Variants in PCDH17 observed in about 807,000 individuals in gnomAD.
The protein encoded by PCDH17 is protocadherin 17.
PCDH17 carries 21 observed loss-of-function variants against 67.7 expected under a neutral mutation model. That is an observed-to-expected ratio of 0.31 (90% CI 0.22 to 0.45). The LOEUF is 0.45. PCDH17 is among the 20% of genes least tolerant of loss of function. PCDH17 has a pLI of 1.00. For missense variants in PCDH17, 1,471 were observed against 1,564.8 expected (o/e 0.94, Z 1.01); for synonymous variants, 701 against 656.7 (o/e 1.07, Z -1.03).
chr13:57,713,219 C>T (rs746001285), intron 3 of PCDH17, among the ~76,000 whole-genome samples: 4 of 151,638 alleles, frequency 2.6e-5, no homozygotes, highest in African/African-American at 4.8e-5. Flanking sequence ...AAAGCTGTTA[C>T]TAGAAAAACG....
intron 3 of PCDH17, among the ~76,000 whole-genome samples, chr13:57,695,340 A>G (rs9597589): frequency 0.055 from 8,340 of 151,154 alleles, 309 homozygotes; most frequent in Non-Finnish European, 0.086. Context: ...TTTAGCATAA[A>G]CCCTTGGTTT....
chr13:57,644,471 G>A (rs1048130029), intron 1 of PCDH17, among the ~76,000 whole-genome samples: 4 of 151,126 alleles, frequency 2.6e-5, no homozygotes, highest in Non-Finnish European at 5.9e-5. Flanking sequence ...GTTAGAATGC[G>A]TGCCCAGTTC....
At chr13:57,701,983 T>A (rs1955667992) in intron 3 of PCDH17, among the ~76,000 whole-genome samples, 1 of 152,068 alleles carries the variant, frequency 6.6e-6, no homozygotes. Context: ...AGTGGCATGA[T>A]CTCGGCTCAC....
Position 57,725,448 on chromosome 13 carries a change from C to T in PCDH17, c.*154C>T. On this transcript the variant is annotated 3_prime_UTR_variant, in exon 4 of 4. Coordinates refer to ENST00000377918, the MANE Select transcript of PCDH17 (RefSeq NM_001040429.3). ...CATCTGAAGTGCCCACAAGTATGTT[C>T]TTTCCACTGCTGATTTCTTTTTCAG... is the stretch of plus-strand genomic sequence containing the variant. 1.7e-6 allele frequency: 1 copy of T among 604,564 alleles called. No individual in the cohort carries two copies. 37.4% of individuals were successfully genotyped at this position (604,564 alleles called of 1,614,324 possible). A position where few individuals can be genotyped will look rare whatever the true frequency, so the allele number is the denominator to read the frequency against.
In PCDH17 at chr13:57,634,083, C is replaced by T; in HGVS notation, c.1537C>T (p.Pro513Ser). Reference sequence around the variant, plus strand: ...CGGCACCGTATCCTACTCTATCCTGCCCTCGCACATCGGCGACGTGTCTAT... The same window carrying T: ...CGGCACCGTATCCTACTCTATCCTGTCCTCGCACATCGGCGACGTGTCTAT... ...QNGTVSYSIL[P>S]SHIGDVSIYT... Residue 513 changes from proline (P) to serine (S), a missense_variant, in exon 1 of 4, where the codon CCC becomes TCC. Physicochemically the swap from Pro to Ser is moderately conservative, Grantham distance 74 (BLOSUM62 -1). Around this residue, in one of 3 missense-constraint regions of PCDH17, gnomAD observed 1,163 missense variants for 1,230.0 expected, o/e 0.95. Transcript: ENST00000377918. This position sits in a 1 kb window ranked among gnomAD's most constrained non-coding sequence, Gnocchi z 7.8. 2 of 1,612,628 alleles carry T rather than the reference C, an allele frequency of 1.2e-6. No homozygotes were observed. The highest frequency in any genetic ancestry group is 1.7e-6 in the Non-Finnish European group (2 of 1,179,736).
intron 3 of PCDH17, among the ~76,000 whole-genome samples, chr13:57,674,275 A>T (rs982631851): frequency 6.6e-6 from 1 of 151,928 alleles, no homozygotes; most frequent in East Asian, 1.9e-4. Context: ...AACATAAAAA[A>T]GTCCTTTTTT....
chr13:57,666,562 A>G, intron 2 of PCDH17, 36 bp downstream of exon 2: 1 of 1,610,066 alleles, frequency 6.2e-7, no homozygotes, highest in Non-Finnish European at 8.5e-7. Context: ...CAGCTTCCCC[A>G]TTTGCATTCG....
chr13:57,698,695 C>G (rs1033093285), intron 3 of PCDH17, among the ~76,000 whole-genome samples: 1 of 151,792 alleles, frequency 6.6e-6, no homozygotes. Flanking sequence ...CACTCTGAAG[C>G]TGATTCATTC....
chr13:57,697,538 A>G (rs1955622103), intron 3 of PCDH17, among the ~76,000 whole-genome samples: 1 of 151,692 alleles, frequency 6.6e-6, no homozygotes, highest in Non-Finnish European at 1.5e-5. Flanking sequence ...TACCATTGTT[A>G]TCTGATATTT....
chr13:57,692,317 G>C (rs1955566734), intron 3 of PCDH17, among the ~76,000 whole-genome samples: 1 of 151,134 alleles, frequency 6.6e-6, no homozygotes, highest in Non-Finnish European at 1.5e-5. Context: ...TTAACTAACT[G>C]CTCTCTTGGT....
At chr13:57,723,926 T>G (rs533150418) in intron 3 of PCDH17, among the ~76,000 whole-genome samples, 5 of 152,298 alleles carry the variant, frequency 3.3e-5, no homozygotes, top group Non-Finnish European at 7.4e-5. Context: ...GTTGAGTAAA[T>G]GCATTTTCAC....
chr13:57,673,850 C>A (rs1955355005), intron 3 of PCDH17, among the ~76,000 whole-genome samples: 1 of 151,902 alleles, frequency 6.6e-6, no homozygotes, highest in African/African-American at 2.4e-5. Flanking sequence ...TTTTCCCACC[C>A]CCCTGTGCTG....
At chr13:57,717,712 A>G (rs978041546) in intron 3 of PCDH17, among the ~76,000 whole-genome samples, 2 of 152,022 alleles carry the variant, frequency 1.3e-5, no homozygotes, top group South Asian at 2.1e-4. Flanking sequence ...TGACTATTTG[A>G]TAGTATTATA....
upstream of PCDH17, among the ~76,000 whole-genome samples, chr13:57,631,054 TGAAA>T (rs1020860034): frequency 4.0e-5 from 6 of 151,820 alleles, no homozygotes; most frequent in Admixed American, 1.3e-4. Context: ...CCAGAAAAAC[TGAAA>T]GAGAGACTGC....
chr13:57,684,587 A>G (rs921704127), intron 3 of PCDH17, among the ~76,000 whole-genome samples: 5 of 151,936 alleles, frequency 3.3e-5, no homozygotes, highest in African/African-American at 1.2e-4. Flanking sequence ...CCCATTATTT[A>G]TCAACCTAAT....
At chr13:57,647,860 A>C (rs552111091) in intron 1 of PCDH17, among the ~76,000 whole-genome samples, 3 of 152,034 alleles carry the variant, frequency 2.0e-5, no homozygotes, top group Admixed American at 6.6e-5. Flanking sequence ...CCTGAAGAAT[A>C]GAATGCTAAT....
intron 1 of PCDH17, among the ~76,000 whole-genome samples, chr13:57,645,255 C>G (rs1417911587): frequency 6.6e-6 from 1 of 151,586 alleles, no homozygotes; most frequent in African/African-American, 2.4e-5. Context: ...TAGTAGAATA[C>G]TCGAAACCAG....
At chr13:57,664,138 A>G (rs982897070) in intron 1 of PCDH17, among the ~76,000 whole-genome samples, 1 of 152,084 alleles carries the variant, frequency 6.6e-6, no homozygotes, top group Non-Finnish European at 1.5e-5. Flanking sequence ...CCTGAGCTCA[A>G]GTGATCCTCC....
chr13:57,699,599 A>G (rs1955643807), intron 3 of PCDH17, among the ~76,000 whole-genome samples: 1 of 151,470 alleles, frequency 6.6e-6, no homozygotes, highest in Non-Finnish European at 1.5e-5. Flanking sequence ...TTTTTTTACA[A>G]GGCGTGTTTT....
Sources: allele counts gnomAD v4.1 joint callset (sites outside exome capture counted in the v4.1 genomes callset), GRCh38; gene constraint gnomAD v4.1.1; regional missense constraint gnomAD v4.1.1; non-coding constraint Gnocchi (gnomAD v3.1); transcripts MANE v1.5; gene names NCBI Gene and HGNC (gene_info 2026-07-23, HGNC 2026-07-21).